NKAIN1: variants seen among roughly 807,000 people sequenced by gnomAD.
NKAIN1 encodes the protein sodium/potassium transporting ATPase interacting 1, also known as sodium/potassium-transporting ATPase subunit beta-1-interacting protein 1.
A neutral mutation model predicts 31.6 loss-of-function variants in NKAIN1; 13 were observed. The ratio of observed to expected loss-of-function variants is 0.41; its 90% CI spans 0.27 to 0.65. The LOEUF (loss-of-function observed/expected upper bound fraction) is 0.65. Among genes scored for constraint, NKAIN1 ranks in the 30% least tolerant of loss-of-function variants. The probability of loss-of-function intolerance (pLI) is 0.30; values close to 1 mark genes in which losing one functional copy is unlikely to be tolerated. For missense variants in NKAIN1, 193 were observed against 262.2 expected (o/e 0.74, Z 1.82); for synonymous variants, 104 against 109.0 (o/e 0.95, Z 0.28).
chr1:31,213,514 C>G (rs959923748), intron 1 of NKAIN1, among the ~76,000 whole-genome samples: 1 of 152,162 alleles, frequency 6.6e-6, no homozygotes, highest in African/African-American at 2.4e-5. Flanking sequence ...GAAAATGGGG[C>G]TAGTTCTTCC....
At chr1:31,229,400 G>A (rs893692865) in intron 1 of NKAIN1, among the ~76,000 whole-genome samples, 2 of 152,098 alleles carry the variant, frequency 1.3e-5, no homozygotes, top group African/African-American at 4.8e-5. Context: ...GGTGGGAGCA[G>A]TGCAGCCTAT....
At chr1:31,217,859 G>T (rs79380869) in intron 1 of NKAIN1, among the ~76,000 whole-genome samples, 2,191 of 152,130 alleles carry the variant, frequency 0.014, 69 homozygotes, top group African/African-American at 0.05. Context: ...AGGGCTGCAG[G>T]GATGTTCTCT....
rs190599176 is a variant in NKAIN1, at chr1:31,195,436, C to A, written c.55-7249G>T. Among the ~76,000 whole-genome samples the A allele has an allele frequency of 1.3e-3, 197 of 151,990 alleles. 1 individual carries two copies. Among genetic ancestry groups the A allele is most frequent in the African/African-American group, 4.7e-3 (193 of 41,488 alleles). On this transcript the variant is annotated intron_variant, in intron 1 of 6. Coordinates refer to ENST00000373736, the MANE Select transcript of NKAIN1 (RefSeq NM_024522.3). ...CGCGCCTGGCCTTTCTTTCTTTCTGCCTTGCCTTGCCCTGCCCTGCCCTGC... is the reference window on the plus strand; with the variant it reads ...CGCGCCTGGCCTTTCTTTCTTTCTGACTTGCCTTGCCCTGCCCTGCCCTGC...
At position 31,184,211 on chromosome 1, in the gene NKAIN1, G is replaced by A. The variant is rs1279796698; in HGVS notation, c.274-197C>T. 8.5e-5 allele frequency among the ~76,000 whole-genome samples: 13 copies of A among 152,256 alleles called. No individual in the cohort carries two copies. The East Asian group carries it at 2.3e-3, about 27-fold the overall frequency. ...GTCACTGAGATGGGAAGGGGTTTGT[G>A]TGGACTCACAGGGGCCTCAGAATTT... On this transcript the variant is annotated intron_variant, in intron 3 of 6. Transcript: ENST00000373736.
chr1:31,214,894 C>T (rs1447441185), intron 1 of NKAIN1, among the ~76,000 whole-genome samples: 1 of 152,208 alleles, frequency 6.6e-6, no homozygotes, highest in Middle Eastern at 3.2e-3. Context: ...TGCCCTGTGG[C>T]CTGAACAGAG....
chr1:31,216,527 G>A (rs1368787716), intron 1 of NKAIN1, among the ~76,000 whole-genome samples: 1 of 152,110 alleles, frequency 6.6e-6, no homozygotes, highest in African/African-American at 2.4e-5. Flanking sequence ...ACTTGCCTGA[G>A]GTCATATGGC....
chr1:31,183,691 A>C (rs1570447855), intron 4 of NKAIN1, 126 bp downstream of exon 4: 1 of 985,004 alleles, frequency 1.0e-6, no homozygotes, highest in South Asian at 1.6e-5. Flanking sequence ...CAGGTGATCC[A>C]CCAGCCATGG....
At chr1:31,211,152 G>C (rs921013466) in intron 1 of NKAIN1, among the ~76,000 whole-genome samples, 1 of 152,154 alleles carries the variant, frequency 6.6e-6, no homozygotes, top group African/African-American at 2.4e-5. Context: ...GGAGGTTCTA[G>C]CCAGGACAAT....
chr1:31,181,889 C>T lies in NKAIN1; in HGVS notation c.585G>A (p.Thr195=). The change falls in exon 6 of 7, where the codon ACG becomes ACA. Residue 195 remains threonine (T), a synonymous_variant. Coordinates refer to ENST00000373736, the MANE Select transcript of NKAIN1 (RefSeq NM_024522.3). ...DSYGYQAPQK[T]SHLQLQPLYT... ...ACAGAGGCTGCAGCTGTAAATGCGA[C>T]GTCTTCTGGGGCGCCTGGTATCCGT... 6.2e-7 allele frequency: 1 copy of T among 1,608,336 alleles called. No homozygotes were observed. The highest frequency in any genetic ancestry group is 2.2e-5 in the East Asian group (1 of 44,722).
At chr1:31,238,265 G>C (rs973941451) in intron 1 of NKAIN1, among the ~76,000 whole-genome samples, 2 of 152,184 alleles carry the variant, frequency 1.3e-5, no homozygotes, top group South Asian at 2.1e-4. Context: ...TGCATGTCCA[G>C]GCTCAAAACT....
intron 1 of NKAIN1, among the ~76,000 whole-genome samples, chr1:31,226,288 G>A (rs1336720590): frequency 9.3e-5 from 14 of 151,008 alleles, no homozygotes; most frequent in Admixed American, 9.2e-4. Context: ...CATAAATAAT[G>A]TGCTGAATTA....
At chr1:31,216,703 T>TC (rs1393909824) in intron 1 of NKAIN1, among the ~76,000 whole-genome samples, 5 of 150,012 alleles carry the variant, frequency 3.3e-5, no homozygotes, top group African/African-American at 1.2e-4. Context: ...TATTTATTTA[T>TC]TTATTTATTT....
At position 31,201,360 on chromosome 1, in the gene NKAIN1, A is replaced by ATT. The variant is rs36022825; in HGVS notation, c.55-13175_55-13174dup. Among the ~76,000 whole-genome samples the ATT allele has an allele frequency of 5.0e-3, 675 of 136,164 alleles. 11 individuals carry two copies. Among genetic ancestry groups the ATT allele is most frequent in the Middle Eastern group, 0.015 (4 of 266 alleles). 89.3% of individuals were successfully genotyped at this position (136,164 alleles called of 152,430 possible). On this transcript the variant is annotated intron_variant, in intron 1 of 6. Coordinates refer to ENST00000373736, the MANE Select transcript of NKAIN1 (RefSeq NM_024522.3). ...ATGTCACACCTTTTAATCCTACCCTATTTTTTTTTTTTTTTTGAGACGGAG... is the reference window on the plus strand; with the variant it reads ...ATGTCACACCTTTTAATCCTACCCTATTTTTTTTTTTTTTTTTTGAGACGGAG...
chr1:31,226,346 C>T (rs577201446), intron 1 of NKAIN1, among the ~76,000 whole-genome samples: 3 of 152,022 alleles, frequency 2.0e-5, no homozygotes, highest in South Asian at 2.1e-4. Flanking sequence ...ACAAGCCCCA[C>T]TTCTAGTGAC....
chr1:31,186,808 G>C (rs1258802441), intron 2 of NKAIN1, among the ~76,000 whole-genome samples: 1 of 152,230 alleles, frequency 6.6e-6, no homozygotes, highest in African/African-American at 2.4e-5. Context: ...GGATGGGAGG[G>C]ACTGGGAGCA....
At chr1:31,194,767 C>CTCT (rs1645311173) in intron 1 of NKAIN1, among the ~76,000 whole-genome samples, 2 of 99,400 alleles carry the variant, frequency 2.0e-5, no homozygotes, top group African/African-American at 8.6e-5. Flanking sequence ...CTCTCTCTCT[C>CTCT]TTTTTTTTTT....
At chr1:31,227,125 A>G (rs1307006498) in intron 1 of NKAIN1, among the ~76,000 whole-genome samples, 1 of 152,160 alleles carries the variant, frequency 6.6e-6, no homozygotes, top group African/African-American at 2.4e-5. Flanking sequence ...GTGCCCAGCC[A>G]AAGGAAATCT....
chr1:31,201,864 A>G (rs1645382350), intron 1 of NKAIN1, among the ~76,000 whole-genome samples: 1 of 152,102 alleles, frequency 6.6e-6, no homozygotes, highest in Admixed American at 6.5e-5. Context: ...CCCTTATGGC[A>G]CTGCTGGAGG....
At chr1:31,231,723 G>C (rs1241808258) in intron 1 of NKAIN1, among the ~76,000 whole-genome samples, 3 of 150,276 alleles carry the variant, frequency 2.0e-5, no homozygotes, top group Non-Finnish European at 4.4e-5. Context: ...GTAGAGACAG[G>C]GTTTCACAGT....
Sources: gnomAD v4.1 joint callset for allele counts (sites outside exome capture counted in the v4.1 genomes callset) on GRCh38, gnomAD v4.1.1 for gene constraint, MANE v1.5 for transcripts, NCBI Gene and HGNC (gene_info 2026-07-23, HGNC 2026-07-21) for gene names.